The following DDX60 variants were observed in gnomAD, a reference collection of about 807,000 sequenced individuals.
DDX60 encodes the protein probable ATP-dependent RNA helicase DDX60.
DDX60 carries 165 observed loss-of-function variants against 212.8 expected under a neutral mutation model. The observed-to-expected ratio is 0.78, with a 90% CI of 0.68 to 0.88. The LOEUF is 0.88. DDX60 is among the 40% of genes least tolerant of loss of function. DDX60 has a pLI of 0.00. For missense variants in DDX60, 1,905 were observed against 2,003.9 expected, an observed-to-expected ratio of 0.95 and a Z score of 0.94; for synonymous variants, 703 against 685.3, an observed-to-expected ratio of 1.03 and a Z score of -0.40.
In DDX60 at chr4:168,224,334, C is replaced by A. The variant is rs780376903; in HGVS notation, c.4733G>T (p.Ser1578Ile). 2.5e-6 allele frequency: 4 copies of A among 1,612,008 alleles called. No individual in the cohort carries two copies. The African/African-American group carries it at 4.0e-5, about 16-fold the overall frequency. The change falls in exon 35 of 38, where the codon AGC becomes ATC. Residue 1578 changes from serine to isoleucine, a missense_variant. By Grantham distance (142) the Ser-to-Ile change is moderately radical. Transcript: ENST00000393743. Reference protein sequence around the residue: ...EDSQLVSHLMSCKEGRVAISP... With the variant: ...EDSQLVSHLMICKEGRVAISP... Reference sequence around the variant, plus strand: ...AATTGCTACTCTTCCTTCCTTGCAGCTCATCAAATGAGATACGAGTTGAGA... The same window carrying A: ...AATTGCTACTCTTCCTTCCTTGCAGATCATCAAATGAGATACGAGTTGAGA...
chr4:168,235,679 G>A (rs2149495701), intron 33 of DDX60, among the ~76,000 whole-genome samples: 2 of 152,080 alleles, frequency 1.3e-5, no homozygotes. Context: ...TTATTCTAGG[G>A]AAGTATAATA....
At chr4:168,264,660 T>C (rs1734765374) in intron 22 of DDX60, among the ~76,000 whole-genome samples, 1 of 152,238 alleles carries the variant, frequency 6.6e-6, no homozygotes, top group Non-Finnish European at 1.5e-5. Flanking sequence ...TTATGAGAAT[T>C]ATATTAGATA....
rs761215395 is a variant in DDX60, at chr4:168,248,271, G to A, written c.3880C>T (p.Leu1294Phe). Residue 1294 changes from leucine to phenylalanine, a missense_variant, in exon 29 of 38, where the codon CTT (leucine) becomes TTT (phenylalanine). Coordinates refer to ENST00000393743, the MANE Select transcript of DDX60 (RefSeq NM_017631.6). The part of the protein sequence containing the change: ...YLRVVTATGT[L>F]ALGVNMPCKS... ...CAAGGCATGTTGACACCTAAAGCAAGTGTTCCAGTAGCTGTCACCACCTTG... is the reference window on the plus strand; with the variant it reads ...CAAGGCATGTTGACACCTAAAGCAAATGTTCCAGTAGCTGTCACCACCTTG... The A allele has an allele frequency of 6.2e-7, 1 of 1,607,490 alleles. No individual in the cohort carries two copies. The highest frequency in any genetic ancestry group is 1.7e-5 in the Admixed American group (1 of 58,818).
rs1732860344 is a variant in DDX60, at chr4:168,216,759, A to G, written c.*174T>C. 2.0e-6 allele frequency: 1 copy of G among 503,778 alleles called. No homozygotes were observed. The highest frequency in any genetic ancestry group is 3.1e-5 in the South Asian group (1 of 32,522). 31.2% of individuals were successfully genotyped at this position (503,778 alleles called of 1,614,324 possible). A position where few individuals can be genotyped will look rare whatever the true frequency, so the allele number is the denominator to read the frequency against. On this transcript the variant is annotated 3_prime_UTR_variant, in exon 38 of 38. Transcript: ENST00000393743. ...AATTTGTGAGTATTCATGACAGAAC[A>G]TGGCAGGTTTGATTGCAACTCTGTT...
At chr4:168,314,783 G>A (rs1737292436) in intron 1 of DDX60, among the ~76,000 whole-genome samples, 1 of 152,098 alleles carries the variant, frequency 6.6e-6, no homozygotes, top group Non-Finnish European at 1.5e-5. Flanking sequence ...CAAAATGAGT[G>A]GGGATAAAAA....
In DDX60 at chr4:168,302,319, C is replaced by T; in HGVS notation, c.704G>A (p.Trp235Ter). 6.5e-7 allele frequency: 1 copy of T among 1,545,668 alleles called. No homozygotes were observed. The highest frequency in any genetic ancestry group is 8.8e-7 in the Non-Finnish European group (1 of 1,137,206). Residue 235 changes from tryptophan (W) to a stop codon, truncating the protein, a stop_gained, in exon 6 of 38, where the codon TGG becomes TAG. Transcript: ENST00000393743. LOFTEE classifies it high-confidence loss of function. ...TGTTACCTCTTCCGTAATATTATTC[C>T]ATTTTAAACTTCCAAAAAGAGGTGC... ...ALAPLFGSLKWNNITEEAHKT... is the reference protein window; with the variant it reads ...ALAPLFGSLK
intron 7 of DDX60, 112 bp downstream of exon 7, chr4:168,293,675 T>C (rs1175727678): frequency 1.1e-6 from 1 of 946,604 alleles, no homozygotes; most frequent in Non-Finnish European, 1.6e-6. Flanking sequence ...GAAGTTTATA[T>C]AAATAAGAGA....
Position 168,276,161 on chromosome 4 carries a change from T to G in DDX60, c.1999A>C (p.Ser667Arg), listed in dbSNP as rs538097635. 6.2e-7 allele frequency: 1 copy of G among 1,608,278 alleles called. No homozygotes were observed. Among genetic ancestry groups the G allele is most frequent in the Non-Finnish European group, 8.5e-7 (1 of 1,177,192 alleles). The change falls in exon 15 of 38, where the codon AGT becomes CGT. Residue 667 changes from serine to arginine, a missense_variant. Physicochemically the swap from Ser to Arg is moderately radical, Grantham distance 110. Coordinates refer to ENST00000393743, the MANE Select transcript of DDX60 (RefSeq NM_017631.6). ...SEEGKTTKDL[S>R]IAVQVMKRIH... ...CTTTTCATCACCTGAACAGCTATAC[T>G]TAAATCTTTCGTGGTTTTACCTTGA...
At chr4:168,231,790 C>G in intron 33 of DDX60, among the ~76,000 whole-genome samples, 1 of 151,910 alleles carries the variant, frequency 6.6e-6, no homozygotes, top group Admixed American at 6.6e-5. Flanking sequence ...AGCATTCTCC[C>G]TGAGAACTGG....
chr4:168,218,098 T>C (rs1732915560), intron 37 of DDX60, among the ~76,000 whole-genome samples: 1 of 152,158 alleles, frequency 6.6e-6, no homozygotes, highest in Non-Finnish European at 1.5e-5. Flanking sequence ...CAGCCTTTTA[T>C]TATTTGCCCC....
chr4:168,273,698 G>A (rs965114969), intron 17 of DDX60, among the ~76,000 whole-genome samples: 2 of 152,006 alleles, frequency 1.3e-5, no homozygotes, highest in East Asian at 3.8e-4. Context: ...CCTATATTTG[G>A]TGACTTTCCT....
At position 168,233,285 on chromosome 4, in the gene DDX60, G is replaced by C. The variant is rs138148522; in HGVS notation, c.4533+2967C>G. 1.9e-3 allele frequency among the ~76,000 whole-genome samples: 295 copies of C among 152,060 alleles called. 2 individuals carry two copies. Among genetic ancestry groups the C allele is most frequent in the African/African-American group, 6.6e-3 (276 of 41,550 alleles). ...GAAATGTAAACTAGTACAACCACCA[G>C]GGAAAACAGTATGGAGATTCCTTAA... On this transcript the variant is annotated intron_variant, in intron 33 of 37. Transcript: ENST00000393743.
chr4:168,236,672 AGTGT>A (rs1733640798), intron 32 of DDX60, among the ~76,000 whole-genome samples: 1 of 151,860 alleles, frequency 6.6e-6, no homozygotes, highest in Non-Finnish European at 1.5e-5. Context: ...ATATAGATTT[AGTGT>A]TTAAATGTAA....
chr4:168,216,826 T>G lies in DDX60; in HGVS notation c.*107A>C, dbSNP rs1732861854. On this transcript the variant is annotated 3_prime_UTR_variant, in exon 38 of 38. Coordinates refer to ENST00000393743, the MANE Select transcript of DDX60 (RefSeq NM_017631.6). ...GCTCTTTCCACTTCATCGTAATGTA[T>G]TTCCACTTTATCATAATGTATTTCT... 4 of 670,458 alleles carry G rather than the reference T, an allele frequency of 6.0e-6. No homozygotes were observed. Among genetic ancestry groups the G allele is most frequent in the Non-Finnish European group, 9.8e-6 (4 of 406,262 alleles). The allele number at this position is 670,458 out of a possible 1,614,324, so 41.5% of individuals were successfully genotyped here.
At chr4:168,310,652 T>A (rs1254804794) in intron 3 of DDX60, among the ~76,000 whole-genome samples, 1 of 152,140 alleles carries the variant, frequency 6.6e-6, no homozygotes, top group Non-Finnish European at 1.5e-5. Context: ...GAGAGAAAGC[T>A]ATTGCAGTTA....
At chr4:168,278,170 T>C (rs1735433390) in intron 14 of DDX60, among the ~76,000 whole-genome samples, 1 of 152,226 alleles carries the variant, frequency 6.6e-6, no homozygotes, top group South Asian at 2.1e-4. Context: ...ATGAAAGTTC[T>C]TGACTTAATA....
chr4:168,222,434 T>C (rs1161292595), intron 35 of DDX60, among the ~76,000 whole-genome samples: 1 of 152,096 alleles, frequency 6.6e-6, no homozygotes. Context: ...ACTGTTATTA[T>C]GAGTGTAAAT....
At chr4:168,239,076 C>A (rs1472077922) in intron 30 of DDX60, among the ~76,000 whole-genome samples, 2 of 152,060 alleles carry the variant, frequency 1.3e-5, no homozygotes, top group African/African-American at 2.4e-5. Flanking sequence ...CACAATAGAT[C>A]AAATCTTCTT....
chr4:168,248,828 C>T (rs1560826213), intron 28 of DDX60, among the ~76,000 whole-genome samples: 1 of 151,208 alleles, frequency 6.6e-6, no homozygotes, highest in Non-Finnish European at 1.5e-5. Context: ...GGCACGATCT[C>T]GGCTCACTGC....
Sources: gnomAD v4.1 joint callset for allele counts (sites outside exome capture counted in the v4.1 genomes callset) on GRCh38, gnomAD v4.1.1 for gene constraint, MANE v1.5 for transcripts, NCBI Gene and HGNC (gene_info 2026-07-23, HGNC 2026-07-21) for gene names.